PDE4D: variants seen among roughly 807,000 people sequenced by gnomAD.
PDE4D encodes the protein phosphodiesterase 4D, also known as 3',5'-cyclic-AMP phosphodiesterase 4D.
A neutral mutation model predicts 87.4 loss-of-function variants in PDE4D; 24 were observed. That is an observed-to-expected ratio of 0.27 (90% CI 0.20 to 0.39). PDE4D has a LOEUF of 0.39. Ranked by LOEUF, PDE4D falls within the 10% of genes least tolerant of loss-of-function variation. The pLI is 1.00. For missense variants in PDE4D, 714 were observed against 1,041.0 expected (o/e 0.69, Z 4.32); for synonymous variants, 384 against 383.2 (o/e 1.00, Z -0.02).
At chr5:59,444,035 T>C (rs2153637354) in intron 1 of PDE4D, among the ~76,000 whole-genome samples, 1 of 152,196 alleles carries the variant, frequency 6.6e-6, no homozygotes, top group Admixed American at 6.5e-5. Context: ...AACAGGAAGG[T>C]ATCTAAGCCC....
intron 1 of PDE4D, among the ~76,000 whole-genome samples, chr5:60,349,508 C>T (rs966382508): frequency 6.6e-6 from 1 of 152,156 alleles, no homozygotes; most frequent in Non-Finnish European, 1.5e-5. Context: ...CCACTTTAAA[C>T]TGTTGGCATT....
At chr5:59,875,896 G>A (rs1192474042) in intron 1 of PDE4D, among the ~76,000 whole-genome samples, 2 of 152,248 alleles carry the variant, frequency 1.3e-5, no homozygotes, top group Non-Finnish European at 2.9e-5. Context: ...ACTTAGAGGT[G>A]GGAGCTAAAT....
chr5:59,916,884 T>G (rs966390873), intron 3 of PDE4D, among the ~76,000 whole-genome samples: 5 of 151,148 alleles, frequency 3.3e-5, no homozygotes, highest in African/African-American at 4.9e-5. Flanking sequence ...ACCTCCTGGG[T>G]TCAAGCAATT....
In PDE4D at chr5:59,909,395, A is replaced by ATT. The variant is rs11413475; in HGVS notation, c.272+79091_272+79092dup. 2.5e-4 allele frequency among the ~76,000 whole-genome samples: 38 copies of ATT among 150,138 alleles called. 1 individual carries two copies. The highest frequency in any genetic ancestry group is 3.4e-3 in the Middle Eastern group (1 of 292). On this transcript the variant is annotated intron_variant, in intron 3 of 16. Coordinates refer to the PDE4D transcript ENST00000502484. ...CAATTTTAACAAGCTCCTTAGGTGG[A>ATT]TTTTTTTTTTCTTTTGAGACAAAGG...
chr5:60,040,381 G>T (rs150072795), intron 2 of PDE4D, among the ~76,000 whole-genome samples: 2 of 152,206 alleles, frequency 1.3e-5, no homozygotes, highest in African/African-American at 2.4e-5. Context: ...TTTCCCCTTT[G>T]AATAAAAGGT....
chr5:60,413,682 G>C (rs1742230742), intron 1 of PDE4D, among the ~76,000 whole-genome samples: 1 of 150,716 alleles, frequency 6.6e-6, no homozygotes, highest in African/African-American at 2.5e-5. Context: ...TTTGGGAGTG[G>C]TTTGTTTTAA....
chr5:60,212,978 T>C (rs1743422905), intron 1 of PDE4D, among the ~76,000 whole-genome samples: 1 of 152,216 alleles, frequency 6.6e-6, no homozygotes. Flanking sequence ...TCATCCTTAG[T>C]CTCCTCAATT....
intron 1 of PDE4D, among the ~76,000 whole-genome samples, chr5:59,736,391 A>G (rs987580147): frequency 3.3e-5 from 5 of 152,088 alleles, no homozygotes; most frequent in African/African-American, 1.2e-4. Context: ...AATAATTCTT[A>G]CAATTGGCCG....
chr5:59,181,168 A>G (rs1306055227), intron 4 of PDE4D, among the ~76,000 whole-genome samples: 1 of 152,148 alleles, frequency 6.6e-6, no homozygotes. Flanking sequence ...TATATTTGTT[A>G]GAGAGGTATA....
intron 6 of PDE4D, among the ~76,000 whole-genome samples, chr5:59,019,827 T>A (rs942528604): frequency 2.6e-5 from 4 of 152,166 alleles, no homozygotes; most frequent in African/African-American, 9.7e-5. Context: ...CAGGCTTACA[T>A]TATATGGCTG....
At chr5:60,246,407 A>G (rs1245273545) in intron 1 of PDE4D, among the ~76,000 whole-genome samples, 2 of 151,784 alleles carry the variant, frequency 1.3e-5, no homozygotes, top group Non-Finnish European at 2.9e-5. Flanking sequence ...CTCTCCTTCT[A>G]GAAGGCCTAT....
intron 1 of PDE4D, among the ~76,000 whole-genome samples, chr5:59,738,897 C>T (rs947478229): frequency 2.0e-5 from 3 of 151,528 alleles, no homozygotes; most frequent in Non-Finnish European, 4.4e-5. Context: ...ATCTAAATAT[C>T]ATCTTTCAAT....
Position 60,298,053 on chromosome 5 carries a change from A to G in PDE4D, c.-89-112366T>C, listed in dbSNP as rs1383695753. ...TACTTTCAGATAATCCCTCTACTTG[A>G]GCAAAAACTATGAATTCATCATTTG... On this transcript the variant is annotated intron_variant, in intron 1 of 16. Transcript: ENST00000502484. Among the ~76,000 whole-genome samples, 3 of 152,286 alleles carry G rather than the reference A, an allele frequency of 2.0e-5. No homozygotes were observed. The East Asian group carries it at 5.8e-4, about 29-fold the overall frequency.
chr5:59,172,521 G>A (rs1032439856), intron 5 of PDE4D, among the ~76,000 whole-genome samples: 10 of 149,192 alleles, frequency 6.7e-5, no homozygotes, highest in African/African-American at 2.0e-4. Flanking sequence ...ACGGCAAAAC[G>A]CCGCCTCTAC....
At chr5:59,917,796 C>G (rs1434104992) in intron 3 of PDE4D, among the ~76,000 whole-genome samples, 1 of 151,930 alleles carries the variant, frequency 6.6e-6, no homozygotes, top group Non-Finnish European at 1.5e-5. Context: ...TCTAAAAGAC[C>G]ATTTGTAAAC....
At chr5:60,077,353 A>G (rs1773411980) in intron 2 of PDE4D, among the ~76,000 whole-genome samples, 1 of 152,290 alleles carries the variant, frequency 6.6e-6, no homozygotes, top group Middle Eastern at 3.4e-3. Context: ...ATTGGTGAGT[A>G]TGTGAAGGCC....
intron 11 of PDE4D, among the ~76,000 whole-genome samples, chr5:58,985,798 A>G (rs1410891935): frequency 6.6e-6 from 1 of 152,260 alleles, no homozygotes; most frequent in Non-Finnish European, 1.5e-5. Context: ...ACTAAAAATA[A>G]GCACAAATTT....
intron 1 of PDE4D, among the ~76,000 whole-genome samples, chr5:59,578,040 G>A (rs1823469500): frequency 6.6e-6 from 1 of 152,048 alleles, no homozygotes; most frequent in Non-Finnish European, 1.5e-5. Context: ...AGAAATTTTT[G>A]TAAAAGCAGG....
At chr5:59,320,871 G>A (rs948885160) in intron 1 of PDE4D, among the ~76,000 whole-genome samples, 2 of 151,866 alleles carry the variant, frequency 1.3e-5, no homozygotes, top group Non-Finnish European at 2.9e-5. Flanking sequence ...CAACCAATCA[G>A]CAACAATTAT....
Sources: gnomAD v4.1 joint callset for allele counts (sites outside exome capture counted in the v4.1 genomes callset) on GRCh38, gnomAD v4.1.1 for gene constraint, MANE v1.5 for transcripts, NCBI Gene and HGNC (gene_info 2026-07-23, HGNC 2026-07-21) for gene names.